TSPAN33: variants seen among roughly 807,000 people sequenced by gnomAD.
TSPAN33 encodes the protein tetraspanin 33.
In TSPAN33, 27 loss-of-function variants were observed where a neutral mutation model predicts 34.8. That is an observed-to-expected ratio of 0.78 (90% CI 0.57 to 1.07). The LOEUF (loss-of-function observed/expected upper bound fraction) is 1.07, where lower values mean the gene tolerates loss of function less well. Ranked by LOEUF, TSPAN33 falls within the 50% of genes least tolerant of loss-of-function variation. The pLI is 0.00. For synonymous variants in TSPAN33, 119 were observed against 124.2 expected (o/e 0.96, Z 0.28); for missense variants, 272 against 324.9 (o/e 0.84, Z 1.25).
At chr7:129,164,228 T>C (rs961703841) in intron 4 of TSPAN33, among the ~76,000 whole-genome samples, 2 of 152,172 alleles carry the variant, frequency 1.3e-5, no homozygotes, top group Non-Finnish European at 2.9e-5. Flanking sequence ...TACACATTGG[T>C]ATATCTTGAA....
In TSPAN33 at chr7:129,148,190, C is replaced by T. The variant is rs1158546717; in HGVS notation, c.102+3108C>T. The stretch of plus-strand genomic sequence containing the variant: ...CACCTCCTTCCTCGCTGGTCCTTTT[C>T]CCACTCAGGGCAGCAGTTGGCTGGC... On this transcript the variant is annotated intron_variant, in intron 1 of 7. Coordinates refer to ENST00000486685, the MANE Select transcript of TSPAN33 (RefSeq NM_178562.5). The surrounding 1 kb of genome is among the most constrained non-coding windows in gnomAD (Gnocchi z 4.2). 6.6e-6 allele frequency among the ~76,000 whole-genome samples: 1 copy of T among 152,178 alleles called. No individual in the cohort carries two copies. The highest frequency in any genetic ancestry group is 1.5e-5 in the Non-Finnish European group (1 of 68,038).
intron 1 of TSPAN33, among the ~76,000 whole-genome samples, chr7:129,155,196 T>C (rs1255616536): frequency 1.3e-5 from 2 of 152,116 alleles, no homozygotes; most frequent in Non-Finnish European, 2.9e-5. Context: ...ATTTGAGGGC[T>C]AAAAAAGTGA....
chr7:129,149,621 TC>T (rs1321711306), intron 1 of TSPAN33, among the ~76,000 whole-genome samples: 1 of 152,184 alleles, frequency 6.6e-6, no homozygotes, highest in East Asian at 1.9e-4. Context: ...GCTGGGCCAG[TC>T]CCTCCGGGGC....
intron 1 of TSPAN33, among the ~76,000 whole-genome samples, chr7:129,149,386 C>T (rs1045745976): frequency 6.6e-6 from 1 of 152,106 alleles, no homozygotes; most frequent in Non-Finnish European, 1.5e-5. Context: ...GGTGAAACCC[C>T]ATCTCTACTA....
chr7:129,155,756 G>A (rs186392114), intron 1 of TSPAN33, among the ~76,000 whole-genome samples: 134 of 151,350 alleles, frequency 8.9e-4, no homozygotes, highest in Non-Finnish European at 1.6e-3. Flanking sequence ...GGGTCTTGCT[G>A]TGTCACCCAG....
intron 1 of TSPAN33, among the ~76,000 whole-genome samples, chr7:129,149,419 G>A (rs1810563622): frequency 6.6e-6 from 1 of 152,154 alleles, no homozygotes; most frequent in Non-Finnish European, 1.5e-5. Flanking sequence ...TTAGCCAGGT[G>A]TGGTGGTGCA....
At chr7:129,157,073 G>A (rs751516331) in intron 1 of TSPAN33, among the ~76,000 whole-genome samples, 6 of 152,168 alleles carry the variant, frequency 3.9e-5, no homozygotes, top group African/African-American at 9.7e-5. Flanking sequence ...CATCCTCATC[G>A]TGAAAGGAGG....
intron 3 of TSPAN33, 141 bp from the exon 4 acceptor site, chr7:129,162,692 A>G (rs1793071402): frequency 1.4e-6 from 2 of 1,390,318 alleles, no homozygotes; most frequent in Non-Finnish European, 2.0e-6. Context: ...CACCCCCAAG[A>G]CAGTGTCCCA....
In TSPAN33 at chr7:129,165,730, T is replaced by A. The variant is rs1259313569; in HGVS notation, c.460-1048T>A. Among the ~76,000 whole-genome samples the A allele has an allele frequency of 6.6e-6, 1 of 152,060 alleles. No homozygotes were observed. The highest frequency in any genetic ancestry group is 2.4e-5 in the African/African-American group (1 of 41,432). On this transcript the variant is annotated intron_variant, in intron 5 of 7. Coordinates refer to ENST00000486685, the MANE Select transcript of TSPAN33 (RefSeq NM_178562.5). This position sits in a 1 kb window ranked among gnomAD's most constrained non-coding sequence, Gnocchi z 4.5. The stretch of plus-strand genomic sequence containing the variant: ...TTTGAGACTAGCCTGGCCAACATGA[T>A]GAAACCCTGTTTCCACCAAAAATAC...
Position 129,168,221 on chromosome 7 carries a change from C to T in TSPAN33, c.*347C>T, listed in dbSNP as rs915297336. 3.9e-5 allele frequency: 10 copies of T among 255,260 alleles called. No individual in the cohort carries two copies. The highest frequency in any genetic ancestry group is 7.7e-5 in the Non-Finnish European group (10 of 129,078). 15.8% of individuals were successfully genotyped at this position (255,260 alleles called of 1,614,324 possible). ...GAGGCACTGCCACCACCAGCTCTAG[C>T]AGGGATGCTCCTGAGCTTGGCGGAC... On this transcript the variant is annotated 3_prime_UTR_variant, in exon 8 of 8. Coordinates refer to ENST00000486685, the MANE Select transcript of TSPAN33 (RefSeq NM_178562.5).
intron 1 of TSPAN33, among the ~76,000 whole-genome samples, chr7:129,151,105 C>T (rs12673144): frequency 0.21 from 31,756 of 151,912 alleles, 3,508 homozygotes; most frequent in Admixed American, 0.27. Flanking sequence ...CCTTTTAAAA[C>T]TTTTATTTAC....
chr7:129,147,354 T>C (rs1273586400), intron 1 of TSPAN33, among the ~76,000 whole-genome samples: 4 of 152,202 alleles, frequency 2.6e-5, no homozygotes, highest in Admixed American at 2.6e-4. Flanking sequence ...GTTTTCTTTC[T>C]TCAAGACCTA....
intron 1 of TSPAN33, among the ~76,000 whole-genome samples, chr7:129,156,299 ATTG>A (rs1271066228): frequency 1.3e-5 from 2 of 152,178 alleles, no homozygotes; most frequent in Non-Finnish European, 2.9e-5. Flanking sequence ...CAACATGATC[ATTG>A]TTGATGTTGG....
chr7:129,153,059 CAAAAAAAAAAAAAAA>C (rs35432172), intron 1 of TSPAN33, among the ~76,000 whole-genome samples: 1 of 82,490 alleles, frequency 1.2e-5, no homozygotes, highest in African/African-American at 4.8e-5. Context: ...AACTCCGTCT[CAAAAAAAAAAAAAAA>C]AAAAAAAAGA....
At chr7:129,166,708 C>G in intron 5 of TSPAN33, 70 bp from the exon 6 acceptor site, 2 of 1,570,326 alleles carry the variant, frequency 1.3e-6, no homozygotes, top group East Asian at 4.6e-5. Context: ...TTTGGTGGCT[C>G]TGAGAATTCC....
intron 5 of TSPAN33, chr7:129,164,887 T>G (rs1233560627): frequency 3.9e-6 from 1 of 255,528 alleles, no homozygotes; most frequent in Admixed American, 4.9e-5. Context: ...ATTTGATTGT[T>G]CACAGTCAGC....
In TSPAN33 at chr7:129,148,508, A is replaced by C. The variant is rs1397609500; in HGVS notation, c.102+3426A>C. Among the ~76,000 whole-genome samples, 3 of 152,176 alleles carry C rather than the reference A, an allele frequency of 2.0e-5. No individual in the cohort carries two copies. Among genetic ancestry groups the C allele is most frequent in the Non-Finnish European group, 4.4e-5 (3 of 68,034 alleles). On this transcript the variant is annotated intron_variant, in intron 1 of 7. Transcript: ENST00000486685. This position sits in a 1 kb window ranked among gnomAD's most constrained non-coding sequence, Gnocchi z 4.2. ...GATGGTGAGTGAGAGAGCAAACCCC[A>C]CAGGGTAGAGGCTTGATGCCCATCC...
At chr7:129,156,906 A>G (rs1810671825) in intron 1 of TSPAN33, among the ~76,000 whole-genome samples, 1 of 152,162 alleles carries the variant, frequency 6.6e-6, no homozygotes, top group Non-Finnish European at 1.5e-5. Flanking sequence ...AAATTATTTT[A>G]TATAATTTGA....
intron 1 of TSPAN33, among the ~76,000 whole-genome samples, chr7:129,155,056 A>G (rs1810648607): frequency 6.6e-6 from 1 of 152,254 alleles, no homozygotes; most frequent in Non-Finnish European, 1.5e-5. Context: ...GTTCATATAC[A>G]TAATGGGATA....
Sources: gnomAD v4.1 joint callset for allele counts (sites outside exome capture counted in the v4.1 genomes callset) on GRCh38, gnomAD v4.1.1 for gene constraint, Gnocchi (gnomAD v3.1) non-coding constraint, MANE v1.5 for transcripts, NCBI Gene and HGNC (gene_info 2026-07-23, HGNC 2026-07-21) for gene names.